The following NCKAP1L variants were observed in gnomAD, a reference collection of about 807,000 sequenced individuals.
NCKAP1L encodes nck-associated protein 1-like.
A neutral mutation model predicts 139.2 loss-of-function variants in NCKAP1L; 53 were observed. The observed-to-expected ratio is 0.38, with a 90% confidence interval of 0.31 to 0.48. The LOEUF is 0.48. NCKAP1L is among the 20% of genes least tolerant of loss of function. The probability of loss-of-function intolerance (pLI) is 0.98; values close to 1 mark genes in which losing one functional copy is unlikely to be tolerated. For synonymous variants in NCKAP1L, 468 were observed against 499.7 expected, an observed-to-expected ratio of 0.94 and a Z score of 0.85; for missense variants, 1,151 against 1,381.9, an observed-to-expected ratio of 0.83 and a Z score of 2.65.
At chr12:54,524,465 C>T (rs567288041) in intron 20 of NCKAP1L, among the ~76,000 whole-genome samples, 293 of 152,256 alleles carry the variant, frequency 1.9e-3, no homozygotes, top group African/African-American at 6.7e-3. Context: ...TTCCACTTTG[C>T]GCTTCACTCC....
intron 3 of NCKAP1L, among the ~76,000 whole-genome samples, chr12:54,506,796 A>AAAAAATATATAT: frequency 0.015 from 747 of 50,558 alleles, 9 homozygotes; most frequent in Non-Finnish European, 0.016. Context: ...AAAAAAAAAA[A>AAAAAATATATAT]ATATATATAT....
Position 54,544,205 on chromosome 12 carries a change from G to A in NCKAP1L, c.*1520G>A, listed in dbSNP as rs1592356767. The A allele has an allele frequency of 6.6e-6, 1 of 152,262 alleles. No individual in the cohort carries two copies. The highest frequency in any genetic ancestry group is 1.5e-5 in the Non-Finnish European group (1 of 68,036). The allele number at this position is 152,262 out of a possible 1,614,324, so 9.4% of individuals were successfully genotyped here. ...TATGGGAAGGGCTTATGTTCTAAAG[G>A]GTGATTCAGTGTCAGGCTTATGAGA... On this transcript the variant is annotated 3_prime_UTR_variant, in exon 31 of 31. Coordinates refer to ENST00000293373, the MANE Select transcript of NCKAP1L (RefSeq NM_005337.5).
At chr12:54,519,428 A>AAT (rs1427256856) in intron 16 of NCKAP1L, 96 bp downstream of exon 16, 5 of 781,790 alleles carry the variant, frequency 6.4e-6, no homozygotes, top group Non-Finnish European at 8.4e-6. Flanking sequence ...AATTTTGTTT[A>AAT]ATTTTTTTTT....
Position 54,509,878 on chromosome 12 carries a change from T to G in NCKAP1L, c.628T>G (p.Phe210Val). The G allele has an allele frequency of 6.2e-7, 1 of 1,614,208 alleles. No homozygotes were observed. The highest frequency in any genetic ancestry group is 8.5e-7 in the Non-Finnish European group (1 of 1,180,028). Reference protein sequence around the residue: ...AVSGALLSLHFLFVRRNQGAE... With the variant: ...AVSGALLSLHVLFVRRNQGAE... Reference sequence around the variant, plus strand: ...GAGTGGAGCCCTCCTCTCTTTGCATTTCCTCTTTGTCCGAAGAAACCAGGG... The same window carrying G: ...GAGTGGAGCCCTCCTCTCTTTGCATGTCCTCTTTGTCCGAAGAAACCAGGG... The change falls in exon 7 of 31, where the codon TTC becomes GTC. Residue 210 changes from phenylalanine (F) to valine (V), a missense_variant. Coordinates refer to ENST00000293373, the MANE Select transcript of NCKAP1L (RefSeq NM_005337.5).
At position 54,538,921 on chromosome 12, in the gene NCKAP1L, C is replaced by T; in HGVS notation, c.3221C>T (p.Thr1074Ile). 6.2e-7 allele frequency: 1 copy of T among 1,614,076 alleles called. No homozygotes were observed. Among genetic ancestry groups the T allele is most frequent in the East Asian group, 2.2e-5 (1 of 44,884 alleles). ...SVSLLQLGQE[T>I]DKLKTRNRES... The stretch of plus-strand genomic sequence containing the variant: ...AGCCTCTTGCAGCTGGGCCAGGAGA[C>T]TGACAAGCTTAAAACCAGAAATCGA... The change falls in exon 30 of 31, where the codon ACT becomes ATT. Residue 1074 changes from threonine to isoleucine, a missense_variant. Physicochemically the swap from Thr to Ile is moderately conservative, Grantham distance 89. Coordinates refer to ENST00000293373, the MANE Select transcript of NCKAP1L (RefSeq NM_005337.5).
At chr12:54,521,540 C>T (rs1565678525) in intron 18 of NCKAP1L, among the ~76,000 whole-genome samples, 2 of 151,940 alleles carry the variant, frequency 1.3e-5, no homozygotes, top group Non-Finnish European at 1.5e-5. Context: ...TCTAATTTAC[C>T]CCTCCTCTCT....
At position 54,546,815 on chromosome 12, in the gene NCKAP1L, T is replaced by C. The variant is rs1388681678; in HGVS notation, c.*4130T>C. On this transcript the variant is annotated 3_prime_UTR_variant, in exon 31 of 31. Coordinates refer to ENST00000293373, the MANE Select transcript of NCKAP1L (RefSeq NM_005337.5). ...CAGGTTGAGGAAGTCAGAAGTTAAC[T>C]TGAGCTGAGTTTGCAGCTCTGGAGA... 6.6e-6 allele frequency: 1 copy of C among 152,348 alleles called. No homozygotes were observed. Among genetic ancestry groups the C allele is most frequent in the Non-Finnish European group, 1.5e-5 (1 of 68,112 alleles). The allele number at this position is 152,348 out of a possible 1,614,324, so 9.4% of individuals were successfully genotyped here.
intron 26 of NCKAP1L, among the ~76,000 whole-genome samples, chr12:54,534,375 T>C (rs552585274): frequency 5.9e-4 from 90 of 152,304 alleles, no homozygotes; most frequent in Non-Finnish European, 9.6e-4. Flanking sequence ...AGCTTTTTGC[T>C]CCCTTCACTA....
At chr12:54,541,226 A>G (rs149049954) in intron 30 of NCKAP1L, among the ~76,000 whole-genome samples, 244 of 152,358 alleles carry the variant, frequency 1.6e-3, no homozygotes, top group African/African-American at 5.6e-3. Flanking sequence ...AAACTGAAGA[A>G]TAGGGAGGGA....
intron 3 of NCKAP1L, among the ~76,000 whole-genome samples, chr12:54,503,440 A>G (rs1240609042): frequency 6.6e-6 from 1 of 152,086 alleles, no homozygotes; most frequent in Non-Finnish European, 1.5e-5. Context: ...GGGGAAATAA[A>G]AAAAGGAAAC....
chr12:54,499,178 C>A (rs998831241), intron 1 of NCKAP1L, among the ~76,000 whole-genome samples, 177 bp from the exon 2 acceptor site: 2 of 152,176 alleles, frequency 1.3e-5, no homozygotes, highest in Non-Finnish European at 2.9e-5. Flanking sequence ...CCTGCCTCGG[C>A]CTCCCGAAGT....
intron 30 of NCKAP1L, among the ~76,000 whole-genome samples, chr12:54,539,311 A>G (rs1283463638): frequency 6.6e-6 from 1 of 152,112 alleles, no homozygotes; most frequent in Non-Finnish European, 1.5e-5. Flanking sequence ...GTTTGGTTTC[A>G]CTTGACAATT....
Position 54,535,137 on chromosome 12 carries a change from G to A in NCKAP1L, c.2896G>A (p.Ala966Thr). Residue 966 changes from alanine to threonine, a missense_variant, in exon 27 of 31, where the codon GCA becomes ACA. Coordinates refer to ENST00000293373, the MANE Select transcript of NCKAP1L (RefSeq NM_005337.5). ...TLSIFELASA[A>T]GVGCDIDPAL... is the part of the protein sequence containing the mutation. ...GAGTATCTTTGAGCTGGCATCTGCT[G>A]CAGGTGTGGGCTGTGACATTGACCC... The A allele has an allele frequency of 6.2e-7, 1 of 1,613,430 alleles. No homozygotes were observed. The highest frequency in any genetic ancestry group is 2.2e-5 in the East Asian group (1 of 44,844).
intron 19 of NCKAP1L, 115 bp downstream of exon 19, chr12:54,523,654 G>C: frequency 1.4e-6 from 2 of 1,440,718 alleles, no homozygotes; most frequent in Non-Finnish European, 1.9e-6. Context: ...GGAATGAGGG[G>C]CATGGAAAAG....
intron 27 of NCKAP1L, 114 bp from the exon 28 acceptor site, chr12:54,536,015 A>G: frequency 1.3e-6 from 1 of 750,710 alleles, no homozygotes. Flanking sequence ...GTTTTCATGG[A>G]TATTTTCTCC....
In NCKAP1L at chr12:54,542,793, G is replaced by A; in HGVS notation, c.*108G>A. Reference sequence around the variant, plus strand: ...GGTGGGAATGGGGTGGGGTCACTAAGGAGAGAGGGTCAGGAGCCAGAGTTG... The same window carrying A: ...GGTGGGAATGGGGTGGGGTCACTAAAGAGAGAGGGTCAGGAGCCAGAGTTG... On this transcript the variant is annotated 3_prime_UTR_variant, in exon 31 of 31. Transcript: ENST00000293373. The A allele has an allele frequency of 1.4e-6, 1 of 722,802 alleles. No individual in the cohort carries two copies. Among genetic ancestry groups the A allele is most frequent in the Non-Finnish European group, 2.4e-6 (1 of 413,132 alleles). The allele number at this position is 722,802 out of a possible 1,614,324, so 44.8% of individuals were successfully genotyped here. A position where few individuals can be genotyped will look rare whatever the true frequency, so the allele number is the denominator to read the frequency against.
chr12:54,515,656 T>A (rs1159648510), intron 9 of NCKAP1L, among the ~76,000 whole-genome samples: 1 of 152,126 alleles, frequency 6.6e-6, no homozygotes, highest in Non-Finnish European at 1.5e-5. Flanking sequence ...TTCGGTGGAT[T>A]GTCAGGGTCA....
At chr12:54,519,892 T>TA (rs1491303986) in intron 16 of NCKAP1L, among the ~76,000 whole-genome samples, 1 of 151,994 alleles carries the variant, frequency 6.6e-6, no homozygotes, top group Non-Finnish European at 1.5e-5. Context: ...TTTTTTTTTT[T>TA]TACTCTAGGA....
rs548180470 is a variant in NCKAP1L, at chr12:54,534,343, AC to A, written c.2863-758del. On this transcript the variant is annotated intron_variant, in intron 26 of 30. Coordinates refer to ENST00000293373, the MANE Select transcript of NCKAP1L (RefSeq NM_005337.5). ...AATAAGTGGTGTTGCTAGGACTTGAACCCAGATCTGTCTCACTCCAAAGCTT... is the reference window on the plus strand; with the variant it reads ...AATAAGTGGTGTTGCTAGGACTTGAACCAGATCTGTCTCACTCCAAAGCTT... 4.3e-3 allele frequency among the ~76,000 whole-genome samples: 655 copies of A among 152,322 alleles called. 2 individuals carry two copies. Among genetic ancestry groups the A allele is most frequent in the Non-Finnish European group, 6.9e-3 (469 of 68,018 alleles).
Sources: gnomAD v4.1 joint callset for allele counts (sites outside exome capture counted in the v4.1 genomes callset) on GRCh38, gnomAD v4.1.1 for gene constraint, MANE v1.5 for transcripts, NCBI Gene and HGNC (gene_info 2026-07-23, HGNC 2026-07-21) for gene names.